HERC6: variants seen among roughly 807,000 people sequenced by gnomAD.
The protein encoded by HERC6 is probable E3 ubiquitin-protein ligase HERC6.
In HERC6, 101 loss-of-function variants were observed where a neutral mutation model predicts 114.5. That is an observed-to-expected ratio of 0.88 (90% confidence interval 0.75 to 1.04). HERC6 has a LOEUF of 1.04. HERC6 is among the 50% of genes least tolerant of loss of function. The pLI is 0.00. For missense variants in HERC6, 1,133 were observed against 1,230.9 expected, an observed-to-expected ratio of 0.92 and a Z score of 1.19; for synonymous variants, 408 against 436.2, an observed-to-expected ratio of 0.94 and a Z score of 0.81.
intron 17 of HERC6, among the ~76,000 whole-genome samples, chr4:88,431,768 G>C (rs1030283266): frequency 6.6e-6 from 1 of 152,080 alleles, no homozygotes; most frequent in African/African-American, 2.4e-5. Context: ...AGTAGAGACG[G>C]CATTTTGCCA....
intron 5 of HERC6, among the ~76,000 whole-genome samples, chr4:88,395,553 C>CT (rs1185562247): frequency 1.3e-5 from 2 of 151,994 alleles, no homozygotes; most frequent in Non-Finnish European, 2.9e-5. Flanking sequence ...ACATACATAT[C>CT]TTTTTTTGTG....
chr4:88,379,123 G>A lies in HERC6; in HGVS notation c.199+3G>A, dbSNP rs1179444476. The A allele has an allele frequency of 1.3e-6, 2 of 1,538,474 alleles. No individual in the cohort carries two copies. Among genetic ancestry groups the A allele is most frequent in the African/African-American group, 2.7e-5 (2 of 72,962 alleles). Reference sequence around the variant, plus strand: ...CGCGCAGCGCGGGGAGCTGCCAGGTGAGCGGGGGGCCCCAGGTGCAGGGTG... The same window carrying A: ...CGCGCAGCGCGGGGAGCTGCCAGGTAAGCGGGGGGCCCCAGGTGCAGGGTG... On this transcript the variant is annotated splice_donor_region_variant and intron_variant, in intron 1 of 22. Transcript: ENST00000264346.
intron 11 of HERC6, among the ~76,000 whole-genome samples, chr4:88,411,847 G>T (rs1196655954): frequency 6.6e-6 from 1 of 152,140 alleles, no homozygotes; most frequent in Non-Finnish European, 1.5e-5. Flanking sequence ...AGTGAGTATG[G>T]AAGTTCCCAT....
rs572062466 is a variant in HERC6, at chr4:88,379,023, C to T, written c.102C>T (p.His34=). The stretch of plus-strand genomic sequence containing the variant: ...TGCAGGCGGCCAGCGGGGAGCGCCA[C>T]TCTCTGCTGCTGCTGACCAACCACA... ...ELLQAASGER[H]SLLLLTNHRV... is the part of the protein sequence containing the mutation. The change falls in exon 1 of 23, where the codon CAC becomes CAT. Residue 34 remains histidine (H), a synonymous_variant. Coordinates refer to ENST00000264346, the MANE Select transcript of HERC6 (RefSeq NM_017912.4). 134 of 1,567,468 alleles carry T rather than the reference C, an allele frequency of 8.5e-5. 1 individual carries two copies. The South Asian group carries it at 1.5e-3, about 18-fold the overall frequency.
chr4:88,428,858 C>A, intron 16 of HERC6, 108 bp downstream of exon 16: 1 of 939,598 alleles, frequency 1.1e-6, no homozygotes, highest in Non-Finnish European at 1.5e-6. Context: ...CTATGGTTAT[C>A]AATCTTTTGG....
At chr4:88,419,623 G>A (rs186817266) in intron 13 of HERC6, among the ~76,000 whole-genome samples, 1 of 152,282 alleles carries the variant, frequency 6.6e-6, no homozygotes, top group East Asian at 1.9e-4. Context: ...GCCTGGGGTG[G>A]TGCCAAAGAT....
At chr4:88,402,430 T>A (rs566123678) in intron 8 of HERC6, among the ~76,000 whole-genome samples, 1 of 152,274 alleles carries the variant, frequency 6.6e-6, no homozygotes, top group Admixed American at 6.5e-5. Flanking sequence ...AAACATCCTA[T>A]GGTACACAGG....
intron 2 of HERC6, among the ~76,000 whole-genome samples, 186 bp from the exon 3 acceptor site, chr4:88,385,313 G>A (rs1425814462): frequency 1.3e-5 from 2 of 152,010 alleles, no homozygotes; most frequent in Non-Finnish European, 2.9e-5. Context: ...CTATAACTTG[G>A]TACATGTTAA....
rs1158097333 is a variant in HERC6 at position 88,380,336 on chromosome 4, AAT to A, written c.199+1226_199+1227del. Among the ~76,000 whole-genome samples, 5 of 30,964 alleles carry A rather than the reference AAT, an allele frequency of 1.6e-4. 1 individual carries two copies. The highest frequency in any genetic ancestry group is 2.6e-4 in the Non-Finnish European group (5 of 19,064). The allele number at this position is 30,964 out of a possible 152,430, so 20.3% of individuals were successfully genotyped here. A position where few individuals can be genotyped will look rare whatever the true frequency, so the allele number is the denominator to read the frequency against. ...TATATAAATATATATATAATATATA[AAT>A]ATATATATAATATAAATATATATAT... is the stretch of plus-strand genomic sequence containing the variant. On this transcript the variant is annotated intron_variant, in intron 1 of 22. Transcript: ENST00000264346.
intron 13 of HERC6, among the ~76,000 whole-genome samples, chr4:88,419,493 G>T (rs548379650): frequency 1.3e-5 from 2 of 152,310 alleles, no homozygotes; most frequent in Admixed American, 1.3e-4. Context: ...AAATTCCAGA[G>T]AAGTAGACCA....
At chr4:88,426,480 T>TATC (rs1472858582) in intron 15 of HERC6, among the ~76,000 whole-genome samples, 1 of 146,040 alleles carries the variant, frequency 6.8e-6, no homozygotes, top group Non-Finnish European at 1.5e-5. Context: ...TTATTATTAT[T>TATC]ATCATCATCA....
chr4:88,380,219 AATATATAATATATAAAT>A (rs1734175464), intron 1 of HERC6, among the ~76,000 whole-genome samples: 5 of 66,646 alleles, frequency 7.5e-5, no homozygotes, highest in Non-Finnish European at 7.5e-5. Context: ...ATAATATATA[AATATATAATATATAAAT>A]ATATATAATA....
Position 88,442,365 on chromosome 4 carries a change from C to T in HERC6, c.2974C>T (p.Pro992Ser). 1 of 1,613,834 alleles carries T rather than the reference C, an allele frequency of 6.2e-7. No individual in the cohort carries two copies. Among genetic ancestry groups the T allele is most frequent in the Non-Finnish European group, 8.5e-7 (1 of 1,179,840 alleles). ...AACTTGTCATAATATTCTCTCCCTC[C>T]CTAAGTATTCTACAATGGAAAGAAT... Reference protein sequence around the residue: ...SITCHNILSLPKYSTMERMEE... With the variant: ...SITCHNILSLSKYSTMERMEE... Residue 992 changes from proline to serine, a missense_variant, in exon 23 of 23, where the codon CCT becomes TCT. Transcript: ENST00000264346.
At chr4:88,409,479 T>C (rs1478205117) in intron 11 of HERC6, among the ~76,000 whole-genome samples, 2 of 152,254 alleles carry the variant, frequency 1.3e-5, no homozygotes, top group Non-Finnish European at 2.9e-5. Flanking sequence ...TATTAGGTGC[T>C]GACATTTATT....
chr4:88,442,249 G>C lies in HERC6; in HGVS notation c.2858G>C (p.Arg953Pro). Residue 953 changes from arginine (R) to proline (P), a missense_variant, in exon 23 of 23, where the codon CGT becomes CCT. Around this residue, in one of 3 missense-constraint regions of HERC6, gnomAD observed 388 missense variants for 445.9 expected, o/e 0.87. Coordinates refer to ENST00000264346, the MANE Select transcript of HERC6 (RefSeq NM_017912.4). ...KKKFLFFLTG[R>P]DRLHARGIQK... ...TCCTTTCTAGTTTTCCTTACAGGAC[G>C]TGATAGGCTGCATGCAAGAGGCATA... The C allele has an allele frequency of 6.2e-7, 1 of 1,611,138 alleles. No individual in the cohort carries two copies. The highest frequency in any genetic ancestry group is 8.5e-7 in the Non-Finnish European group (1 of 1,178,498).
intron 5 of HERC6, among the ~76,000 whole-genome samples, chr4:88,394,529 A>G (rs1735112279): frequency 2.6e-5 from 2 of 77,802 alleles, no homozygotes; most frequent in African/African-American, 1.7e-4. Context: ...CCTTTTAGCA[A>G]TTATTATTAT....
Position 88,378,918 on chromosome 4 carries a change from C to A in HERC6, c.-4C>A, listed in dbSNP as rs1199287315. ...CGGAGCAGGCGACAGGGCGCAGAAG[C>A]GGGATGTACTTCTGTTGGGGCGCCG... On this transcript the variant is annotated 5_prime_UTR_variant, in exon 1 of 23. Coordinates refer to ENST00000264346, the MANE Select transcript of HERC6 (RefSeq NM_017912.4). 1.3e-6 allele frequency: 2 copies of A among 1,585,034 alleles called. No individual in the cohort carries two copies. Among genetic ancestry groups the A allele is most frequent in the South Asian group, 1.1e-5 (1 of 87,154 alleles).
chr4:88,433,196 T>C (rs973547392), intron 17 of HERC6, among the ~76,000 whole-genome samples: 1 of 152,218 alleles, frequency 6.6e-6, no homozygotes, highest in African/African-American at 2.4e-5. Context: ...AATAATTTTG[T>C]GCATGAAACA....
chr4:88,425,213 C>A (rs1199770500), intron 15 of HERC6, among the ~76,000 whole-genome samples: 1 of 152,128 alleles, frequency 6.6e-6, no homozygotes, highest in Non-Finnish European at 1.5e-5. Flanking sequence ...CTTTAATTAT[C>A]AAATGTTGCC....
Sources: gnomAD v4.1 joint callset for allele counts (sites outside exome capture counted in the v4.1 genomes callset) on GRCh38, gnomAD v4.1.1 for gene constraint, gnomAD v4.1.1 regional missense constraint, MANE v1.5 for transcripts, NCBI Gene and HGNC (gene_info 2026-07-23, HGNC 2026-07-21) for gene names.